KEL: variants seen among roughly 807,000 people sequenced by gnomAD.
KEL encodes Kell metallo-endopeptidase (Kell blood group), also known as kell blood group glycoprotein.
Under a neutral mutation model 99.5 loss-of-function variants are expected in KEL, and 96 were observed. That is an observed-to-expected ratio of 0.97 (90% confidence interval 0.82 to 1.14). KEL has a LOEUF of 1.14. KEL is among the 50% of genes most tolerant of loss of function. The probability of loss-of-function intolerance (pLI) is 0.00; values close to 1 mark genes in which losing one functional copy is unlikely to be tolerated. For missense variants in KEL, 926 were observed against 924.2 expected, an observed-to-expected ratio of 1.00 and a Z score of -0.03; for synonymous variants, 355 against 354.8, an observed-to-expected ratio of 1.00 and a Z score of -0.01.
chr7:142,946,195 G>C lies in KEL; in HGVS notation c.1314+12C>G. On this transcript the variant is annotated intron_variant, in intron 11 of 18. Coordinates refer to ENST00000355265, the MANE Select transcript of KEL (RefSeq NM_000420.3). Reference sequence around the variant, plus strand: ...GGTGGAGGGATGTGGGCTGGGAAGAGCTCTCACATACAGCACTTCGGGTGC... The same window carrying C: ...GGTGGAGGGATGTGGGCTGGGAAGACCTCTCACATACAGCACTTCGGGTGC... 6.3e-7 allele frequency: 1 copy of C among 1,586,098 alleles called. No homozygotes were observed. The highest frequency in any genetic ancestry group is 8.7e-7 in the Non-Finnish European group (1 of 1,154,870).
chr7:142,951,748 T>G (rs1796691198), intron 10 of KEL, among the ~76,000 whole-genome samples: 1 of 152,106 alleles, frequency 6.6e-6, no homozygotes, highest in African/African-American at 2.4e-5. Flanking sequence ...ACAGCAATTT[T>G]AGGTTGCCAA....
intron 9 of KEL, chr7:142,953,481 G>T: frequency 1.3e-6 from 1 of 782,706 alleles, no homozygotes; most frequent in Non-Finnish European, 1.6e-6. Context: ...CTGTGTCTGG[G>T]TCTTCCAGCA....
At chr7:142,941,515 G>C (rs1365010107) in intron 18 of KEL, 102 bp from the exon 19 acceptor site, 1 of 1,154,736 alleles carries the variant, frequency 8.7e-7, no homozygotes, top group African/African-American at 1.5e-5. Context: ...GGGAACCAGG[G>C]GATCAAGTGC....
intron 2 of KEL, 39 bp downstream of exon 2, chr7:142,961,756 C>T (rs891791426): frequency 1.3e-6 from 2 of 1,530,362 alleles, no homozygotes; most frequent in Middle Eastern, 1.7e-4. Flanking sequence ...AGAGTGACAA[C>T]ATCAGTGTAT....
chr7:142,953,252 C>T (rs1006476188), intron 9 of KEL: 3 of 642,788 alleles, frequency 4.7e-6, no homozygotes, highest in Non-Finnish European at 5.8e-6. Flanking sequence ...AACCCCAACA[C>T]CCCCTTGATT....
At chr7:142,960,792 C>G in intron 4 of KEL, 136 bp downstream of exon 4, 1 of 936,914 alleles carries the variant, frequency 1.1e-6, no homozygotes, top group Non-Finnish European at 1.8e-6. Flanking sequence ...CATCTCCAAT[C>G]ATCCACCCGT....
rs768734405 is a variant in KEL at position 142,962,198 on chromosome 7, A to T, written c.3+6T>A. 3 of 1,613,752 alleles carry T rather than the reference A, an allele frequency of 1.9e-6. No individual in the cohort carries two copies. ...GCTAAGCCTCTGACTCCAAAAGGGG[A>T]CTTACCATCTGTCTATCTTCTGTGG... On this transcript the variant is annotated splice_donor_region_variant and intron_variant, in intron 1 of 18. Coordinates refer to ENST00000355265, the MANE Select transcript of KEL (RefSeq NM_000420.3).
chr7:142,957,948 T>G lies in KEL; in HGVS notation c.551A>C (p.Lys184Thr). The G allele has an allele frequency of 6.2e-7, 1 of 1,614,092 alleles. No individual in the cohort carries two copies. Among genetic ancestry groups the G allele is most frequent in the African/African-American group, 1.3e-5 (1 of 75,004 alleles). ...TCGGTTAAAGTTTAAGGAAGTCCAT[T>G]TACCAGAGATGCGCCAGCCTCCAAG... Reference protein sequence around the residue: ...EELGGWRISGKWTSLNFNRTL... With the variant: ...EELGGWRISGTWTSLNFNRTL... The change falls in exon 6 of 19, where the codon AAA becomes ACA. Residue 184 changes from lysine to threonine, a missense_variant. By Grantham distance (78) the Lys-to-Thr change is moderately conservative. Coordinates refer to ENST00000355265, the MANE Select transcript of KEL (RefSeq NM_000420.3).
At chr7:142,944,283 G>T in intron 13 of KEL, 40 bp downstream of exon 13, 2 of 1,497,906 alleles carry the variant, frequency 1.3e-6, no homozygotes, top group African/African-American at 1.4e-5. Context: ...GTGACGAGAA[G>T]TCAAGGACTG....
intron 9 of KEL, chr7:142,953,281 T>C: frequency 2.4e-6 from 2 of 846,978 alleles, no homozygotes; most frequent in Non-Finnish European, 2.8e-6. Context: ...CCAGCAGAAA[T>C]GCTCTTAGAC....
At chr7:142,952,755 A>G in intron 9 of KEL, 117 bp from the exon 10 acceptor site, 1 of 1,202,194 alleles carries the variant, frequency 8.3e-7, no homozygotes, top group Non-Finnish European at 1.2e-6. Flanking sequence ...TCTCCTCTGT[A>G]TTAATAAGTG....
At chr7:142,946,340 A>T in intron 10 of KEL, 23 bp from the exon 11 acceptor site, 4 of 1,563,464 alleles carry the variant, frequency 2.6e-6, no homozygotes, top group Non-Finnish European at 2.6e-6. Flanking sequence ...AGCTGGAATG[A>T]GTGGCTCCTG....
chr7:142,954,607 ATGGGAGATGGCCT>A lies in KEL; in HGVS notation c.673-93_673-81del, dbSNP rs1025000392. On this transcript the variant is annotated intron_variant, in intron 6 of 18. Coordinates refer to ENST00000355265, the MANE Select transcript of KEL (RefSeq NM_000420.3). The stretch of plus-strand genomic sequence containing the variant: ...GGTGTGGGGAGGTGGGGAATATACC[ATGGGAGATGGCCT>A]TGGGAGATGGACACAAAGATTGGAC... 4.4e-5 allele frequency: 52 copies of A among 1,195,316 alleles called. No homozygotes were observed. The African/African-American group carries it at 6.0e-4, about 14-fold the overall frequency. 74.0% of individuals were successfully genotyped at this position (1,195,316 alleles called of 1,614,324 possible). A position where few individuals can be genotyped will look rare whatever the true frequency, so the allele number is the denominator to read the frequency against.
intron 4 of KEL, among the ~76,000 whole-genome samples, chr7:142,959,297 G>A (rs1796900468): frequency 6.6e-6 from 1 of 152,164 alleles, no homozygotes; most frequent in Non-Finnish European, 1.5e-5. Flanking sequence ...GAAGGAGGGG[G>A]AGGAATAGAG....
chr7:142,961,753 CA>C (rs780731669), intron 2 of KEL, 41 bp downstream of exon 2: 2 of 1,522,348 alleles, frequency 1.3e-6, no homozygotes, highest in South Asian at 2.2e-5. Context: ...CCGAGAGTGA[CA>C]ACATCAGTGT....
chr7:142,953,290 A>T (rs1796736387), intron 9 of KEL: 1 of 888,588 alleles, frequency 1.1e-6, no homozygotes. Flanking sequence ...ATGCTCTTAG[A>T]CATTGTTTCC....
intron 11 of KEL, 98 bp downstream of exon 11, chr7:142,946,107 TCA>T: frequency 4.7e-6 from 4 of 850,218 alleles, no homozygotes; most frequent in Non-Finnish European, 7.8e-6. Flanking sequence ...AATTCCCCAA[TCA>T]CACACACCAC....
At chr7:142,951,355 G>C (rs1421593035) in intron 10 of KEL, among the ~76,000 whole-genome samples, 1 of 152,148 alleles carries the variant, frequency 6.6e-6, no homozygotes, top group Non-Finnish European at 1.5e-5. Context: ...TGGGGCTCTG[G>C]TCTGCTTCAT....
chr7:142,949,570 AT>A (rs1485773759), intron 10 of KEL, among the ~76,000 whole-genome samples: 5 of 152,014 alleles, frequency 3.3e-5, no homozygotes, highest in Admixed American at 2.0e-4. Flanking sequence ...AGGATTATTT[AT>A]TTGTCTTTTT....
Sources: allele counts gnomAD v4.1 joint callset (sites outside exome capture counted in the v4.1 genomes callset), GRCh38; gene constraint gnomAD v4.1.1; transcripts MANE v1.5; gene names NCBI Gene and HGNC (gene_info 2026-07-23, HGNC 2026-07-21).